The following MTFR1 variants were observed in gnomAD, a reference collection of about 807,000 sequenced individuals.
The protein encoded by MTFR1 is mitochondrial fission regulator 1.
A neutral mutation model predicts 38.8 loss-of-function variants in MTFR1; 28 were observed. The ratio of observed to expected loss-of-function variants is 0.72; its 90% CI spans 0.53 to 0.99. The LOEUF is 0.99. Ranked by LOEUF, MTFR1 falls within the 50% of genes least tolerant of loss-of-function variation. MTFR1 has a pLI of 0.00. For missense variants in MTFR1, 358 were observed against 395.5 expected (o/e 0.91, Z 0.81); for synonymous variants, 145 against 137.0 (o/e 1.06, Z -0.41).
intron 3 of MTFR1, among the ~76,000 whole-genome samples, chr8:65,733,745 A>G (rs1373355905): frequency 6.6e-6 from 1 of 152,166 alleles, no homozygotes. Context: ...AAAAGTCATG[A>G]TATATATACT....
intron 2 of MTFR1, among the ~76,000 whole-genome samples, chr8:65,677,137 G>A (rs1348822739): frequency 1.4e-5 from 2 of 142,008 alleles, no homozygotes; most frequent in African/African-American, 2.7e-5. Context: ...GCAGTGGCGC[G>A]ATCTTGCTCA....
rs571125761 is a variant in MTFR1, at chr8:65,728,696, T to A, written c.*48+9215T>A. Reference sequence around the variant, plus strand: ...TCCTTGACATATACATGAATGGGCATGGGTGTCTATGTCTTATGAACATGT... The same window carrying A: ...TCCTTGACATATACATGAATGGGCAAGGGTGTCTATGTCTTATGAACATGT... On this transcript the variant is annotated intron_variant, in intron 3 of 3. Transcript: ENST00000521247. The A allele has an allele frequency of 2.6e-5, 4 of 152,336 alleles. 1 individual carries two copies. The South Asian group carries it at 8.3e-4, about 32-fold the overall frequency. The allele number at this position is 152,336 out of a possible 1,614,324, so 9.4% of individuals were successfully genotyped here. A position where few individuals can be genotyped will look rare whatever the true frequency, so the allele number is the denominator to read the frequency against.
chr8:65,677,068 CTTTTTTTTTTTT>C lies in MTFR1; in HGVS notation c.67-5273_67-5262del, dbSNP rs1166560010. ...GGTTTTTCTGTTTAGCTATTTCTCT[CTTTTTTTTTTTT>C]TTTTTTTTTTTGAGACAGAGTCTCG... is the stretch of plus-strand genomic sequence containing the variant. On this transcript the variant is annotated intron_variant, in intron 2 of 7. Coordinates refer to ENST00000262146, the MANE Select transcript of MTFR1 (RefSeq NM_014637.4). Among the ~76,000 whole-genome samples the C allele has an allele frequency of 8.0e-5, 8 of 100,108 alleles. 1 individual carries two copies. The highest frequency in any genetic ancestry group is 6.3e-4 in the South Asian group (2 of 3,154). The allele number at this position is 100,108 out of a possible 152,430, so 65.7% of individuals were successfully genotyped here.
intron 3 of MTFR1, among the ~76,000 whole-genome samples, chr8:65,692,656 A>C (rs1232207195): frequency 6.7e-6 from 1 of 148,754 alleles, no homozygotes; most frequent in Non-Finnish European, 1.5e-5. Flanking sequence ...TTTTTTTTGT[A>C]TTTATTTCAA....
intron 3 of MTFR1, among the ~76,000 whole-genome samples, chr8:65,754,858 G>A (rs556197481): frequency 3.4e-5 from 5 of 148,708 alleles, no homozygotes; most frequent in South Asian, 4.4e-4. Context: ...CCATCTACTC[G>A]GGAGGCTGAG....
At position 65,729,364 on chromosome 8, in the gene MTFR1, CTTTTTTTTTTTTTT is replaced by C. The variant is rs10540107; in HGVS notation, c.*48+9893_*48+9906del. Among the ~76,000 whole-genome samples, 56 of 80,080 alleles carry C rather than the reference CTTTTTTTTTTTTTT, an allele frequency of 7.0e-4. 1 individual carries two copies. In the Middle Eastern group the frequency reaches 0.034, roughly 48 times the overall value. 52.5% of individuals were successfully genotyped at this position (80,080 alleles called of 152,430 possible). On this transcript the variant is annotated intron_variant, in intron 3 of 3. Transcript: ENST00000521247. ...TCACAGTGAGTTTCGTTGGTGGTAG[CTTTTTTTTTTTTTT>C]TTTTTTTTTGGCTAAATTGGCAAAT...
chr8:65,768,923 T>C (rs1322120699), intron 3 of MTFR1, among the ~76,000 whole-genome samples: 1 of 152,102 alleles, frequency 6.6e-6, no homozygotes. Context: ...CTGAGGAAAT[T>C]TTTTTATTCT....
intron 3 of MTFR1, chr8:65,724,172 T>A (rs1806510973): frequency 1.2e-6 from 1 of 825,338 alleles, no homozygotes; most frequent in African/African-American, 1.7e-5. Flanking sequence ...TAGACCCATA[T>A]AAATTATTGA....
intron 3 of MTFR1, among the ~76,000 whole-genome samples, chr8:65,769,247 C>CAAAAAAAAAAAA (rs61554087): frequency 1.3e-5 from 1 of 74,456 alleles, no homozygotes. Context: ...GACTCAGTCT[C>CAAAAAAAAAAAA]AAAAAAAAAA....
chr8:65,708,088 A>AT, intron 7 of MTFR1, 77 bp downstream of exon 7: 1 of 1,604,252 alleles, frequency 6.2e-7, no homozygotes, highest in Non-Finnish European at 8.5e-7. Flanking sequence ...TTTGCAAGTG[A>AT]TTCACCTGTG....
At position 65,693,704 on chromosome 8, in the gene MTFR1, T is replaced by TTAG. The variant is rs754635200; in HGVS notation, c.227_228insAGT (p.Phe76delinsLeuVal). The TTAG allele has an allele frequency of 4.3e-6, 7 of 1,614,152 alleles. No homozygotes were observed. In the Admixed American group the frequency reaches 1.0e-4, roughly 23 times the overall value. The stretch of plus-strand genomic sequence containing the variant: ...CCCAGGAGAGGATGCAGTGGCGTCT[T>TTAG]TTGCTGATGTTGGATGGGTAGCCAA... On this transcript the variant is annotated protein_altering_variant, in exon 4 of 8. Coordinates refer to ENST00000262146, the MANE Select transcript of MTFR1 (RefSeq NM_014637.4).
At chr8:65,744,006 T>C (rs1381490697) in intron 3 of MTFR1, among the ~76,000 whole-genome samples, 1 of 152,182 alleles carries the variant, frequency 6.6e-6, no homozygotes, top group Non-Finnish European at 1.5e-5. Context: ...CCAATGTTTG[T>C]ATTTTTAGTA....
intron 3 of MTFR1, among the ~76,000 whole-genome samples, chr8:65,690,931 A>ATT (rs932843831): frequency 9.8e-5 from 15 of 152,298 alleles, no homozygotes; most frequent in African/African-American, 3.6e-4. Flanking sequence ...GAATCTCCTT[A>ATT]TTACAGTGTT....
intron 1 of MTFR1, among the ~76,000 whole-genome samples, chr8:65,660,812 A>C (rs1187377348): frequency 6.6e-6 from 1 of 152,236 alleles, no homozygotes; most frequent in South Asian, 2.1e-4. Flanking sequence ...AAAATGTGGA[A>C]GCAATCAAGG....
intron 1 of MTFR1, among the ~76,000 whole-genome samples, chr8:65,645,426 C>A (rs1346578628): frequency 6.6e-6 from 1 of 152,258 alleles, no homozygotes; most frequent in African/African-American, 2.4e-5. Flanking sequence ...TTATGGAAAT[C>A]TTCAAACTGT....
chr8:65,711,616 T>C (rs919332479), downstream of MTFR1, among the ~76,000 whole-genome samples: 6 of 152,190 alleles, frequency 3.9e-5, no homozygotes, highest in Non-Finnish European at 5.9e-5. Context: ...ATTGATCCTA[T>C]TTGTTAGGAT....
At chr8:65,776,603 T>G in the MTFR1 span, among the ~76,000 whole-genome samples, 3 of 152,208 alleles carry the variant, frequency 2.0e-5, no homozygotes, top group Non-Finnish European at 2.9e-5. Flanking sequence ...CAGTTTTCTA[T>G]GTAGAGTTAT....
chr8:65,723,299 T>C (rs1206007937), intron 3 of MTFR1: 2 of 259,718 alleles, frequency 7.7e-6, no homozygotes, highest in African/African-American at 2.2e-5. Context: ...GATTCTTATT[T>C]ACATAAGAAC....
intron 3 of MTFR1, among the ~76,000 whole-genome samples, chr8:65,691,069 G>T (rs1805261639): frequency 6.6e-6 from 1 of 152,108 alleles, no homozygotes; most frequent in East Asian, 1.9e-4. Flanking sequence ...ATACCCATTT[G>T]CTGAATATCT....
Sources: allele counts gnomAD v4.1 joint callset (sites outside exome capture counted in the v4.1 genomes callset), GRCh38; gene constraint gnomAD v4.1.1; transcripts MANE v1.5; gene names NCBI Gene and HGNC (gene_info 2026-07-23, HGNC 2026-07-21).